FSTL5: variants seen among roughly 807,000 people sequenced by gnomAD.
FSTL5 encodes the protein follistatin like 5.
A neutral mutation model predicts 89.1 loss-of-function variants in FSTL5; 62 were observed. The ratio of observed to expected loss-of-function variants is 0.70; its 90% confidence interval spans 0.57 to 0.86. The LOEUF (loss-of-function observed/expected upper bound fraction) is 0.86. FSTL5 is among the 40% of genes least tolerant of loss of function. The pLI is 0.00. For synonymous variants in FSTL5, 383 were observed against 346.2 expected, an observed-to-expected ratio of 1.11 and a Z score of -1.18; for missense variants, 1,057 against 1,001.6, an observed-to-expected ratio of 1.06 and a Z score of -0.75.
intron 4 of FSTL5, among the ~76,000 whole-genome samples, chr4:161,806,256 T>C (rs1240919352): frequency 6.6e-6 from 1 of 152,144 alleles, no homozygotes; most frequent in Non-Finnish European, 1.5e-5. Context: ...AGAGTTTCTT[T>C]GAGTTAGACA....
chr4:161,424,692 A>T (rs1240780279), intron 15 of FSTL5, among the ~76,000 whole-genome samples: 1 of 152,216 alleles, frequency 6.6e-6, no homozygotes, highest in Non-Finnish European at 1.5e-5. Flanking sequence ...GAGACTGGAA[A>T]TGTTAAAGAA....
At chr4:161,503,989 G>T (rs1314250819) in intron 11 of FSTL5, among the ~76,000 whole-genome samples, 2 of 151,862 alleles carry the variant, frequency 1.3e-5, no homozygotes, top group Admixed American at 1.3e-4. Flanking sequence ...GCTACATGAA[G>T]TAGAATGTTA....
chr4:162,121,711 T>TA (rs1379903605), intron 1 of FSTL5, among the ~76,000 whole-genome samples: 1 of 151,820 alleles, frequency 6.6e-6, no homozygotes, highest in Non-Finnish European at 1.5e-5. Context: ...TGACAGTATC[T>TA]AAAAAAAAGT....
intron 4 of FSTL5, among the ~76,000 whole-genome samples, chr4:161,841,078 C>T (rs1168717653): frequency 6.6e-6 from 1 of 152,162 alleles, no homozygotes; most frequent in African/African-American, 2.4e-5. Context: ...GTTCTTATAA[C>T]AGCTGCTTTC....
intron 1 of FSTL5, among the ~76,000 whole-genome samples, chr4:162,112,186 CAGAG>C (rs1731470221): frequency 6.6e-6 from 1 of 152,170 alleles, no homozygotes; most frequent in Non-Finnish European, 1.5e-5. Flanking sequence ...CCTACTGTGA[CAGAG>C]AGCAGCTTTT....
Position 161,567,104 on chromosome 4 carries a change from C to T in FSTL5, c.1015+20351G>A, listed in dbSNP as rs1057442687. 5.9e-5 allele frequency among the ~76,000 whole-genome samples: 9 copies of T among 151,862 alleles called. No homozygotes were observed. The South Asian group carries it at 1.2e-3, about 21-fold the overall frequency. ...CATAACTTGTGATCACTGCCCGAACCATCTGAAGCTATTGTTTTGAACTTT... is the reference window on the plus strand; with the variant it reads ...CATAACTTGTGATCACTGCCCGAACTATCTGAAGCTATTGTTTTGAACTTT... On this transcript the variant is annotated intron_variant, in intron 8 of 15. Coordinates refer to ENST00000306100, the MANE Select transcript of FSTL5 (RefSeq NM_020116.5).
At chr4:161,405,678 C>A (rs2110920005) in intron 15 of FSTL5, among the ~76,000 whole-genome samples, 1 of 152,202 alleles carries the variant, frequency 6.6e-6, no homozygotes, top group Non-Finnish European at 1.5e-5. Context: ...GTACATGAAT[C>A]TATTCATCTA....
chr4:162,091,966 T>C (rs555408918), intron 2 of FSTL5, among the ~76,000 whole-genome samples: 1 of 60,484 alleles, frequency 1.7e-5, no homozygotes, highest in African/African-American at 4.0e-5. Flanking sequence ...GTAGATTACC[T>C]TATAGAATAT....
chr4:161,553,242 A>C (rs1001057824), intron 8 of FSTL5, among the ~76,000 whole-genome samples: 2 of 151,406 alleles, frequency 1.3e-5, no homozygotes, highest in African/African-American at 4.8e-5. Flanking sequence ...CAATACAATC[A>C]TATAATATAA....
At chr4:161,759,596 T>C (rs1740711556) in intron 5 of FSTL5, 65 bp from the exon 6 acceptor site, 5 of 1,024,242 alleles carry the variant, frequency 4.9e-6, no homozygotes, top group Non-Finnish European at 6.7e-6. Context: ...ATATAATTTA[T>C]TATATGTAAT....
intron 1 of FSTL5, 94 bp from the exon 2 acceptor site, chr4:162,111,506 A>C: frequency 6.1e-6 from 6 of 976,114 alleles, no homozygotes; most frequent in Non-Finnish European, 8.8e-6. Flanking sequence ...ATAAATCTCC[A>C]TTAATCTAAT....
In FSTL5 at chr4:161,490,244, C is replaced by T. The variant is rs140568137; in HGVS notation, c.1459-9075G>A. Among the ~76,000 whole-genome samples, 1,186 of 152,136 alleles carry T rather than the reference C, an allele frequency of 7.8e-3. 19 individuals are homozygous for T. The highest frequency in any genetic ancestry group is 9.9e-3 in the Non-Finnish European group (674 of 67,958). On this transcript the variant is annotated intron_variant, in intron 12 of 15. Coordinates refer to ENST00000306100, the MANE Select transcript of FSTL5 (RefSeq NM_020116.5). ...TCATACAGTTTGAAGATGGAACATC[C>T]GATATAATACAAGTTCTCCTTTCTC...
intron 2 of FSTL5, among the ~76,000 whole-genome samples, chr4:162,051,920 TAAC>T (rs1257322112): frequency 2.6e-5 from 4 of 151,104 alleles, no homozygotes; most frequent in African/African-American, 9.7e-5. Flanking sequence ...TGCAAGATAG[TAAC>T]AACATTAGCA....
intron 7 of FSTL5, among the ~76,000 whole-genome samples, chr4:161,651,282 T>C (rs1390680361): frequency 2.0e-5 from 3 of 151,322 alleles, no homozygotes; most frequent in Non-Finnish European, 4.4e-5. Flanking sequence ...TAATAAAAGA[T>C]TGCTAGTCAA....
intron 1 of FSTL5, among the ~76,000 whole-genome samples, chr4:162,137,525 C>T (rs970442758): frequency 1.3e-5 from 2 of 152,080 alleles, no homozygotes; most frequent in South Asian, 4.1e-4. Flanking sequence ...TTTGTCCCCT[C>T]ACTACAGGAT....
chr4:161,562,612 T>C (rs949896331), intron 8 of FSTL5, among the ~76,000 whole-genome samples: 2 of 121,532 alleles, frequency 1.6e-5, no homozygotes, highest in African/African-American at 5.8e-5. Flanking sequence ...TGGTTTTTTT[T>C]CCTAATATTG....
chr4:161,475,638 T>A (rs907485653), intron 13 of FSTL5, among the ~76,000 whole-genome samples: 1 of 152,228 alleles, frequency 6.6e-6, no homozygotes, highest in African/African-American at 2.4e-5. Context: ...TTTACATTAT[T>A]TCCTCAACTC....
At chr4:161,670,312 A>G (rs1737055342) in intron 6 of FSTL5, among the ~76,000 whole-genome samples, 1 of 152,202 alleles carries the variant, frequency 6.6e-6, no homozygotes, top group Admixed American at 6.5e-5. Context: ...GTTCAGTGCC[A>G]TGTTGAAAAG....
At chr4:162,050,113 A>G (rs1332820551) in intron 2 of FSTL5, among the ~76,000 whole-genome samples, 1 of 151,966 alleles carries the variant, frequency 6.6e-6, no homozygotes, top group Non-Finnish European at 1.5e-5. Context: ...AAAAACAGAA[A>G]GTAGAAAAGA....
Sources: gnomAD v4.1 joint callset for allele counts (sites outside exome capture counted in the v4.1 genomes callset) on GRCh38, gnomAD v4.1.1 for gene constraint, MANE v1.5 for transcripts, NCBI Gene and HGNC (gene_info 2026-07-23, HGNC 2026-07-21) for gene names.